AFF2: variants seen among roughly 807,000 people sequenced by gnomAD.
The protein encoded by AFF2 is ALF transcription elongation factor 2, also known as AF4/FMR2 family member 2.
Under a neutral mutation model 76.9 loss-of-function variants are expected in AFF2, and 14 were observed. The observed-to-expected ratio is 0.18, with a 90% CI of 0.12 to 0.28. The LOEUF is 0.28. AFF2 is among the 10% of genes least tolerant of loss of function. AFF2 has a pLI of 1.00. For synonymous variants in AFF2, 398 were observed against 366.7 expected, an observed-to-expected ratio of 1.09 and a Z score of -0.98; for missense variants, 868 against 1,001.1, an observed-to-expected ratio of 0.87 and a Z score of 1.79.
chrX:148,666,291 A>G (rs1450574438), intron 3 of AFF2, among the ~76,000 whole-genome samples: 1 of 112,248 alleles, frequency 8.9e-6, no homozygotes, highest in East Asian at 2.8e-4. Flanking sequence ...TAATTTGTTT[A>G]AAAACTTTCT....
At chrX:148,773,759 GGAAA>G (rs1330604099) in intron 3 of AFF2, among the ~76,000 whole-genome samples, 72 of 81,419 alleles carry the variant, frequency 8.8e-4, no homozygotes, top group African/African-American at 2.8e-3. Context: ...AAAGAAAGAA[GGAAA>G]GAAAGAAAGA....
rs1429687393 is a variant in AFF2 at position 148,996,962 on chromosome X, T to C, written c.*5630T>C. The C allele has an allele frequency of 8.9e-6, 1 of 112,509 alleles. No homozygotes were observed. The highest frequency in any genetic ancestry group is 1.9e-5 in the Non-Finnish European group (1 of 53,289). 9.3% of individuals were successfully genotyped at this position (112,509 alleles called of 1,213,427 possible). ...GTATTTACGGGAACTCTATGGAGAA[T>C]AGCACAATCCAGAATTTACTGTGTT... On this transcript the variant is annotated 3_prime_UTR_variant, in exon 21 of 21. Coordinates refer to ENST00000370460, the MANE Select transcript of AFF2 (RefSeq NM_002025.4).
chrX:148,907,527 G>A (rs1052330631), intron 9 of AFF2, among the ~76,000 whole-genome samples: 1 of 111,164 alleles, frequency 9.0e-6, no homozygotes, highest in Admixed American at 9.5e-5. Flanking sequence ...TGTCCGGGGG[G>A]GACATCACAT....
chrX:148,958,496 A>G (rs1557287662), intron 12 of AFF2, 38 bp downstream of exon 12: 1 of 1,188,231 alleles, frequency 8.4e-7, no homozygotes, highest in African/African-American at 1.8e-5. Flanking sequence ...GCTTGGTATG[A>G]TTGTTCAGAC....
intron 1 of AFF2, among the ~76,000 whole-genome samples, chrX:148,595,795 G>A (rs782019168): frequency 8.9e-6 from 1 of 112,089 alleles, no homozygotes; most frequent in East Asian, 2.8e-4. Context: ...ATGTAGTAGG[G>A]AAGAGGAAAG....
rs1218671298 is a variant in AFF2 at position 148,966,797 on chromosome X, A to G, written c.2921A>G (p.Asp974Gly). The G allele has an allele frequency of 3.3e-6, 4 of 1,206,773 alleles. No homozygotes were observed. In the African/African-American group the frequency reaches 7.1e-5, roughly 21 times the overall value. The change falls in exon 14 of 21, where the codon GAC (aspartate) becomes GGC (glycine). Residue 974 changes from aspartate (D) to glycine (G), a missense_variant. Transcript: ENST00000370460. ...TFKGISVNEG[D>G]TPKKASSATI... ...TGTCCTCCTTTTTCCCAGGAGGGAG[A>G]CACTCCAAAAAAGGCATCCTCTGCC...
chrX:148,964,322 G>A (rs1460379655), intron 13 of AFF2, among the ~76,000 whole-genome samples: 1 of 112,330 alleles, frequency 8.9e-6, no homozygotes, highest in African/African-American at 3.2e-5. Context: ...GTCCAAGGAG[G>A]ATTAAAGTAC....
At chrX:148,718,745 C>G (rs1228131996) in intron 3 of AFF2, among the ~76,000 whole-genome samples, 1 of 111,073 alleles carries the variant, frequency 9.0e-6, no homozygotes, top group Non-Finnish European at 1.9e-5. Flanking sequence ...CTCTGAGCCC[C>G]TTGAGAAAAG....
chrX:148,759,844 A>G (rs1569555014), intron 3 of AFF2, among the ~76,000 whole-genome samples: 1 of 112,186 alleles, frequency 8.9e-6, no homozygotes, highest in Non-Finnish European at 1.9e-5. Context: ...GATTATGACA[A>G]TGCCTGAACT....
At chrX:148,689,159 G>A (rs2054627118) in intron 3 of AFF2, among the ~76,000 whole-genome samples, 1 of 111,589 alleles carries the variant, frequency 9.0e-6, no homozygotes, top group Non-Finnish European at 1.9e-5. Flanking sequence ...TCTTCTTTCT[G>A]TGTCTTCACA....
chrX:148,561,262 A>C (rs1461881097), intron 1 of AFF2, among the ~76,000 whole-genome samples: 3 of 112,107 alleles, frequency 2.7e-5, no homozygotes, highest in Non-Finnish European at 3.8e-5. Flanking sequence ...CCTAAATATA[A>C]CCTTGGGTCA....
Position 148,987,372 on chromosome X carries a change from C to T in AFF2, c.3629C>T (p.Thr1210Ile). 8.3e-7 allele frequency: 1 copy of T among 1,208,226 alleles called. No homozygotes were observed. Residue 1210 changes from threonine (T) to isoleucine (I), a missense_variant, in exon 20 of 21, where the codon ACT becomes ATT. By Grantham distance (89) the Thr-to-Ile change is moderately conservative. This residue lies in a region of AFF2 where 46 missense variants were observed against 40.8 expected (regional missense o/e 1.13). Coordinates refer to ENST00000370460, the MANE Select transcript of AFF2 (RefSeq NM_002025.4). ...PSPWVSNGKN[T>I]PSPVSLNNVS... The stretch of plus-strand genomic sequence containing the variant: ...TGTCTCTTTCCATTTCCCAGGAACA[C>T]TCCATCCCCAGTGTCTCTCAACAAC...
intron 3 of AFF2, among the ~76,000 whole-genome samples, chrX:148,694,497 G>T (rs1465855808): frequency 1.8e-5 from 2 of 111,066 alleles, no homozygotes; most frequent in Non-Finnish European, 3.8e-5. Context: ...GATGGAGGAG[G>T]GTCAAGTGGA....
At position 148,813,927 on chromosome X, in the gene AFF2, C is replaced by T. The variant is rs183699097; in HGVS notation, c.1086+4007C>T. ...ACCTTCTCCCACAAAATGAGCTGTA[C>T]GAATTCAGGTGTCTTTGCTCCTTTT... On this transcript the variant is annotated intron_variant, in intron 4 of 20. Coordinates refer to ENST00000370460, the MANE Select transcript of AFF2 (RefSeq NM_002025.4). 3.6e-5 allele frequency among the ~76,000 whole-genome samples: 4 copies of T among 112,300 alleles called. No homozygotes were observed. In the East Asian group the frequency reaches 1.1e-3, roughly 32 times the overall value.
chrX:148,510,825 G>A (rs1603225852), intron 1 of AFF2, among the ~76,000 whole-genome samples: 1 of 112,008 alleles, frequency 8.9e-6, no homozygotes, highest in East Asian at 2.8e-4. Flanking sequence ...TAGGTGCTCA[G>A]TTATTTTTTG....
intron 3 of AFF2, among the ~76,000 whole-genome samples, chrX:148,785,655 T>C (rs782634171): frequency 4.5e-4 from 50 of 111,786 alleles, no homozygotes; most frequent in Non-Finnish European, 7.7e-4. Context: ...CATGTACTTA[T>C]TGTTTTGACT....
intron 7 of AFF2, among the ~76,000 whole-genome samples, chrX:148,852,607 C>T (rs1207438437): frequency 2.7e-5 from 3 of 111,123 alleles, no homozygotes; most frequent in African/African-American, 9.8e-5. Context: ...ACGAAGAAAA[C>T]AATCTGGATG....
intron 9 of AFF2, among the ~76,000 whole-genome samples, chrX:148,935,325 AAG>A (rs2071761448): frequency 9.1e-6 from 1 of 110,082 alleles, no homozygotes; most frequent in Non-Finnish European, 1.9e-5. Flanking sequence ...AGGTTTATAT[AAG>A]ACTTTCTCTT....
chrX:148,670,437 A>G (rs2054409159), intron 3 of AFF2, among the ~76,000 whole-genome samples: 1 of 111,946 alleles, frequency 8.9e-6, no homozygotes, highest in Admixed American at 9.5e-5. Flanking sequence ...CATATTAGTG[A>G]TGGATAGAGA....
Sources: gnomAD v4.1 joint callset for allele counts (sites outside exome capture counted in the v4.1 genomes callset) on GRCh38, gnomAD v4.1.1 for gene constraint, gnomAD v4.1.1 regional missense constraint, MANE v1.5 for transcripts, NCBI Gene and HGNC (gene_info 2026-07-23, HGNC 2026-07-21) for gene names.